Variants in ZDHHC2 observed in about 807,000 individuals in gnomAD.
ZDHHC2 encodes zDHHC palmitoyltransferase 2, also known as palmitoyltransferase ZDHHC2.
A neutral mutation model predicts 55.6 loss-of-function variants in ZDHHC2; 51 were observed. That is an observed-to-expected ratio of 0.92 (90% CI 0.73 to 1.16). ZDHHC2 has a LOEUF of 1.16. Ranked by LOEUF, ZDHHC2 falls within the 50% of genes most tolerant of loss-of-function variation. ZDHHC2 has a pLI of 0.00. For missense variants in ZDHHC2, 491 were observed against 442.4 expected (o/e 1.11, Z -0.99); for synonymous variants, 199 against 152.9 (o/e 1.30, Z -2.22).
At chr8:17,167,713 C>T (rs1804672642) in intron 1 of ZDHHC2, among the ~76,000 whole-genome samples, 1 of 151,972 alleles carries the variant, frequency 6.6e-6, no homozygotes. Context: ...TTGTAGAACT[C>T]ACTTGAAAAT....
intron 6 of ZDHHC2, among the ~76,000 whole-genome samples, chr8:17,203,523 C>T (rs1292490388): frequency 2.0e-5 from 3 of 152,064 alleles, no homozygotes; most frequent in African/African-American, 7.2e-5. Context: ...CGTCAGCCAC[C>T]ACGCCCACCC....
At chr8:17,208,553 C>T (rs1485733363) in intron 8 of ZDHHC2, among the ~76,000 whole-genome samples, 1 of 151,918 alleles carries the variant, frequency 6.6e-6, no homozygotes, top group Non-Finnish European at 1.5e-5. Flanking sequence ...CAACCAGGAC[C>T]ACACATGCTG....
intron 8 of ZDHHC2, 55 bp downstream of exon 8, chr8:17,208,147 A>G (rs528323336): frequency 3.1e-5 from 45 of 1,462,730 alleles, no homozygotes; most frequent in Non-Finnish European, 4.0e-5. Flanking sequence ...ACCAACATTC[A>G]TTGACAGTTG....
intron 4 of ZDHHC2, among the ~76,000 whole-genome samples, 160 bp from the exon 5 acceptor site, chr8:17,197,422 C>G (rs1367863354): frequency 6.6e-6 from 1 of 152,088 alleles, no homozygotes; most frequent in Non-Finnish European, 1.5e-5. Context: ...GCAAGTCATT[C>G]CATTTTTGTA....
chr8:17,189,127 G>GTTTTTTTTTT (rs33942303), intron 3 of ZDHHC2, among the ~76,000 whole-genome samples: 2 of 83,752 alleles, frequency 2.4e-5, no homozygotes, highest in African/African-American at 9.4e-5. Context: ...GTTTTGTTAT[G>GTTTTTTTTTT]TTTTTTTTTT....
At chr8:17,175,127 T>C (rs183345744) in intron 1 of ZDHHC2, among the ~76,000 whole-genome samples, 118 of 152,244 alleles carry the variant, frequency 7.8e-4, no homozygotes, top group Non-Finnish European at 1.4e-3. Flanking sequence ...TATAGCTGTT[T>C]AGAGATGTGT....
intron 1 of ZDHHC2, among the ~76,000 whole-genome samples, chr8:17,179,038 C>T (rs1343461013): frequency 6.6e-6 from 1 of 152,182 alleles, no homozygotes; most frequent in African/African-American, 2.4e-5. Flanking sequence ...GCAGCCTCGA[C>T]CTCCTGTGCT....
chr8:17,217,017 G>T (rs2150951226), intron 11 of ZDHHC2, among the ~76,000 whole-genome samples, 155 bp from the exon 12 acceptor site: 1 of 152,196 alleles, frequency 6.6e-6, no homozygotes, highest in Admixed American at 6.5e-5. Flanking sequence ...ACGGGTGTGT[G>T]TGTGTTTCTA....
intron 1 of ZDHHC2, among the ~76,000 whole-genome samples, chr8:17,158,506 G>C (rs1804177791): frequency 6.6e-6 from 1 of 152,240 alleles, no homozygotes; most frequent in Non-Finnish European, 1.5e-5. Context: ...CTGCCCGTTA[G>C]AAGGATGTCT....
chr8:17,167,842 A>G (rs898173939), intron 1 of ZDHHC2, among the ~76,000 whole-genome samples: 8 of 151,074 alleles, frequency 5.3e-5, no homozygotes, highest in African/African-American at 1.2e-4. Flanking sequence ...TTATAAAATA[A>G]TCACAAAAAA....
At chr8:17,169,887 A>T (rs985673288) in intron 1 of ZDHHC2, among the ~76,000 whole-genome samples, 2 of 152,160 alleles carry the variant, frequency 1.3e-5, no homozygotes, top group Non-Finnish European at 2.9e-5. Context: ...ACTTACATTA[A>T]TGAATACATC....
In ZDHHC2 at chr8:17,209,552, T is replaced by G. The variant is rs114753563; in HGVS notation, c.731-380T>G. Among the ~76,000 whole-genome samples the G allele has an allele frequency of 5.5e-3, 830 of 152,292 alleles. 6 individuals carry two copies. The highest frequency in any genetic ancestry group is 0.019 in the African/African-American group (788 of 41,542). Reference sequence around the variant, plus strand: ...GAATGTATGTAAAAGATAGTCTGATTGTGGTTTTCTTAAAAAATACACGTG... The same window carrying G: ...GAATGTATGTAAAAGATAGTCTGATGGTGGTTTTCTTAAAAAATACACGTG... On this transcript the variant is annotated intron_variant, in intron 8 of 12. Coordinates refer to ENST00000262096, the MANE Select transcript of ZDHHC2 (RefSeq NM_016353.5).
rs373575865 is a variant in ZDHHC2, at chr8:17,166,270, G to A, written c.130+9417G>A. 6.6e-5 allele frequency among the ~76,000 whole-genome samples: 10 copies of A among 152,292 alleles called. 1 individual carries two copies. The highest frequency in any genetic ancestry group is 1.3e-4 in the Admixed American group (2 of 15,296). On this transcript the variant is annotated intron_variant, in intron 1 of 12. Coordinates refer to ENST00000262096, the MANE Select transcript of ZDHHC2 (RefSeq NM_016353.5). ...GGTGAGAGGTGGTCAGATTCTGGAC[G>A]TATTTTTACAGTAGCGACAGCAGAA...
At chr8:17,218,085 A>G (rs1807729840) in intron 12 of ZDHHC2, among the ~76,000 whole-genome samples, 1 of 152,192 alleles carries the variant, frequency 6.6e-6, no homozygotes, top group South Asian at 2.1e-4. Context: ...TAAGTTAGCC[A>G]TGTATTGTCA....
chr8:17,202,602 C>A (rs1005515078), intron 6 of ZDHHC2, among the ~76,000 whole-genome samples: 4 of 152,048 alleles, frequency 2.6e-5, no homozygotes, highest in Non-Finnish European at 4.4e-5. Flanking sequence ...CAGAATAAGT[C>A]TTCTTCCTTT....
chr8:17,178,692 A>C (rs17687067), intron 1 of ZDHHC2, among the ~76,000 whole-genome samples: 26,412 of 152,186 alleles, frequency 0.17, 2,925 homozygotes, highest in Admixed American at 0.34. Context: ...CAAAAGAGAT[A>C]AGGGAGGTAT....
chr8:17,168,572 C>T (rs1804713665), intron 1 of ZDHHC2, among the ~76,000 whole-genome samples: 1 of 152,036 alleles, frequency 6.6e-6, no homozygotes, highest in South Asian at 2.1e-4. Flanking sequence ...AAATGCTGTG[C>T]GATCATCACT....
At chr8:17,186,459 A>C (rs747347976) in intron 3 of ZDHHC2, 34 bp downstream of exon 3, 4 of 1,261,910 alleles carry the variant, frequency 3.2e-6, no homozygotes, top group Non-Finnish European at 4.3e-6. Flanking sequence ...TATTCTAATA[A>C]TAGAAATCAA....
chr8:17,207,870 C>CAAA, intron 7 of ZDHHC2, 90 bp from the exon 8 acceptor site: 1 of 896,962 alleles, frequency 1.1e-6, no homozygotes, highest in Non-Finnish European at 1.4e-6. Flanking sequence ...AAATTTTAAG[C>CAAA]AAAAAAAAAA....
Sources: gnomAD v4.1 joint callset for allele counts (sites outside exome capture counted in the v4.1 genomes callset) on GRCh38, gnomAD v4.1.1 for gene constraint, MANE v1.5 for transcripts, NCBI Gene and HGNC (gene_info 2026-07-23, HGNC 2026-07-21) for gene names.